Variants in SLC28A2 observed in about 807,000 individuals in gnomAD.
SLC28A2 encodes sodium/nucleoside cotransporter 2.
Under a neutral mutation model 72.9 loss-of-function variants are expected in SLC28A2, and 69 were observed. The ratio of observed to expected loss-of-function variants is 0.95; its 90% CI spans 0.78 to 1.16. The LOEUF (loss-of-function observed/expected upper bound fraction) is 1.16, where lower values mean the gene tolerates loss of function less well. SLC28A2 is among the 50% of genes most tolerant of loss of function. The probability of loss-of-function intolerance (pLI) is 0.00; values close to 1 mark genes in which losing one functional copy is unlikely to be tolerated. For synonymous variants in SLC28A2, 296 were observed against 294.1 expected (o/e 1.01, Z -0.07); for missense variants, 745 against 791.1 (o/e 0.94, Z 0.70).
At position 45,268,200 on chromosome 15, in the gene SLC28A2, A is replaced by G. The variant is rs919619498; in HGVS notation, c.1200-10A>G. On this transcript the variant is annotated splice_polypyrimidine_tract_variant and intron_variant, in intron 12 of 17. Transcript: ENST00000347644. ...ACACCCTACTCTTGCCCTCTGCCCA[A>G]TAACCACAGGAAGGAGAGGAATGTC... 1 of 1,593,320 alleles carries G rather than the reference A, an allele frequency of 6.3e-7. No homozygotes were observed. The highest frequency in any genetic ancestry group is 8.6e-7 in the Non-Finnish European group (1 of 1,163,038).
chr15:45,263,022 C>A (rs775247625), intron 4 of SLC28A2, 39 bp from the exon 5 acceptor site: 1 of 1,562,944 alleles, frequency 6.4e-7, no homozygotes, highest in South Asian at 1.1e-5. Context: ...ATTGGAAGCA[C>A]TGCCTTGCTG....
At chr15:45,257,133 T>C (rs1900002081) in intron 3 of SLC28A2, among the ~76,000 whole-genome samples, 2 of 152,232 alleles carry the variant, frequency 1.3e-5, no homozygotes, top group Non-Finnish European at 2.9e-5. Context: ...TCATTGCTTA[T>C]GAGTGTACTG....
chr15:45,266,231 T>G, intron 10 of SLC28A2, 70 bp downstream of exon 10: 5 of 1,113,468 alleles, frequency 4.5e-6, no homozygotes, highest in Non-Finnish European at 6.9e-6. Flanking sequence ...AACAAGAGTA[T>G]GCTTTCCTTC....
intron 3 of SLC28A2, among the ~76,000 whole-genome samples, chr15:45,257,933 A>C (rs1311773443): frequency 6.6e-6 from 1 of 152,226 alleles, no homozygotes; most frequent in Non-Finnish European, 1.5e-5. Context: ...TTTAAAAAAT[A>C]TTCCTTGGGG....
chr15:45,262,433 T>C (rs1292994529), intron 4 of SLC28A2, among the ~76,000 whole-genome samples: 2 of 152,208 alleles, frequency 1.3e-5, no homozygotes, highest in Non-Finnish European at 2.9e-5. Flanking sequence ...GAAGCCTGTA[T>C]TATACCTTAC....
chr15:45,264,145 A>T lies in SLC28A2; in HGVS notation c.588+123A>T, dbSNP rs1900251285. The T allele has an allele frequency of 7.7e-6, 7 of 913,922 alleles. No homozygotes were observed. In the South Asian group the frequency reaches 1.7e-4, roughly 22 times the overall value. The allele number at this position is 913,922 out of a possible 1,614,324, so 56.6% of individuals were successfully genotyped here. A position where few individuals can be genotyped will look rare whatever the true frequency, so the allele number is the denominator to read the frequency against. On this transcript the variant is annotated intron_variant, in intron 6 of 17. Transcript: ENST00000347644. ...AGAACTAGTTCATAACAACCCCTAG[A>T]ATTTGCCTCTTTGATAATTTTGTTT...
intron 4 of SLC28A2, 106 bp from the exon 5 acceptor site, chr15:45,262,955 T>G: frequency 1.1e-6 from 1 of 922,368 alleles, no homozygotes; most frequent in Non-Finnish European, 1.6e-6. Context: ...GCAAGGTCTC[T>G]GGAGGGTTTT....
At chr15:45,257,555 A>G (rs923329765) in intron 3 of SLC28A2, among the ~76,000 whole-genome samples, 1 of 152,114 alleles carries the variant, frequency 6.6e-6, no homozygotes, top group Non-Finnish European at 1.5e-5. Context: ...AGACTTTGTA[A>G]TTTCTTCATG....
Position 45,265,744 on chromosome 15 carries a change from G to A in SLC28A2, c.861+81G>A, listed in dbSNP as rs1900312538. On this transcript the variant is annotated intron_variant, in intron 9 of 17. Coordinates refer to ENST00000347644, the MANE Select transcript of SLC28A2 (RefSeq NM_004212.4). ...GCTTTGGAAAAATGCCCATAGCTAA[G>A]GTCTAGAGTGTTAGAAACAATGGGA... The A allele has an allele frequency of 5.3e-6, 5 of 943,514 alleles. 1 individual carries two copies. The South Asian group carries it at 6.5e-5, about 12-fold the overall frequency. The allele number at this position is 943,514 out of a possible 1,614,324, so 58.4% of individuals were successfully genotyped here.
chr15:45,271,577 AAAGGAAGG>A (rs145309707), intron 15 of SLC28A2, among the ~76,000 whole-genome samples: 116 of 130,356 alleles, frequency 8.9e-4, no homozygotes, highest in South Asian at 8.3e-3. Flanking sequence ...AAAAAGAAGA[AAAGGAAGG>A]AAGGAAGGAA....
At chr15:45,261,624 T>C (rs1172628264) in intron 3 of SLC28A2, among the ~76,000 whole-genome samples, 1 of 152,152 alleles carries the variant, frequency 6.6e-6, no homozygotes, top group African/African-American at 2.4e-5. Context: ...CATAGGTTTG[T>C]TTGGTTTTTA....
At chr15:45,265,706 C>A in intron 9 of SLC28A2, 43 bp downstream of exon 9, 1 of 1,321,632 alleles carries the variant, frequency 7.6e-7, no homozygotes, top group Non-Finnish European at 1.1e-6. Flanking sequence ...GGCCTTCATC[C>A]TGTCATCAGT....
At chr15:45,271,988 ACCTGTCTG>A in intron 15 of SLC28A2, 1 of 284,916 alleles carries the variant, frequency 3.5e-6, no homozygotes, top group Non-Finnish European at 6.6e-6. Context: ...AGGCATTTGT[ACCTGTCTG>A]GAGAAACCCA....
rs17222050 is a variant in SLC28A2, at chr15:45,267,444, C to T, written c.943-11C>T. On this transcript the variant is annotated splice_polypyrimidine_tract_variant and intron_variant, in intron 10 of 17. Coordinates refer to ENST00000347644, the MANE Select transcript of SLC28A2 (RefSeq NM_004212.4). ...CTTCTTGGAATCTGACTGTTTTCTCCGTGTTTGTAGACAGAGGCACCTCTG... is the reference window on the plus strand; with the variant it reads ...CTTCTTGGAATCTGACTGTTTTCTCTGTGTTTGTAGACAGAGGCACCTCTG... The T allele has an allele frequency of 2.2e-4, 358 of 1,613,978 alleles. 1 individual carries two copies. The African/African-American group carries it at 3.5e-3, about 16-fold the overall frequency.
intron 6 of SLC28A2, 37 bp downstream of exon 6, chr15:45,264,059 A>C: frequency 6.3e-7 from 1 of 1,580,604 alleles, no homozygotes; most frequent in Non-Finnish European, 8.6e-7. Context: ...ATAGCAACAC[A>C]TGGCCAAGGG....
In SLC28A2 at chr15:45,263,951, C is replaced by A; in HGVS notation, c.517C>A (p.Gln173Lys). Residue 173 changes from glutamine (Q) to lysine (K), a missense_variant, in exon 6 of 18, where the codon CAG (glutamine) becomes AAG (lysine). Gln to Lys is a moderately conservative substitution (Grantham distance 53). Coordinates refer to ENST00000347644, the MANE Select transcript of SLC28A2 (RefSeq NM_004212.4). ...LALDTAQRPE[Q>K]LIPFAGICMF... The stretch of plus-strand genomic sequence containing the variant: ...TTTAGACACAGCCCAAAGGCCAGAG[C>A]AGCTGATCCCCTTTGCAGGAATCTG... 1.2e-6 allele frequency: 2 copies of A among 1,613,616 alleles called. No individual in the cohort carries two copies. The highest frequency in any genetic ancestry group is 1.7e-6 in the Non-Finnish European group (2 of 1,179,670).
intron 1 of SLC28A2, among the ~76,000 whole-genome samples, chr15:45,252,748 C>G (rs969814145): frequency 1.3e-5 from 2 of 152,204 alleles, no homozygotes; most frequent in Non-Finnish European, 2.9e-5. Context: ...ATCTGTTCAG[C>G]AATACTTTAG....
chr15:45,274,346 C>CAA (rs982506082), intron 17 of SLC28A2, among the ~76,000 whole-genome samples: 4 of 151,884 alleles, frequency 2.6e-5, no homozygotes, highest in African/African-American at 9.7e-5. Flanking sequence ...TAAAACAAAA[C>CAA]AAAACAAAAC....
At chr15:45,265,255 C>A (rs960007190) in intron 8 of SLC28A2, 89 bp downstream of exon 8, 1 of 947,548 alleles carries the variant, frequency 1.1e-6, no homozygotes. Context: ...AAGAGATCAG[C>A]GCCCCTGTAT....
Sources: allele counts gnomAD v4.1 joint callset (sites outside exome capture counted in the v4.1 genomes callset), GRCh38; gene constraint gnomAD v4.1.1; transcripts MANE v1.5; gene names NCBI Gene and HGNC (gene_info 2026-07-23, HGNC 2026-07-21).